Variants in PCDH20 observed in about 807,000 individuals in gnomAD.
PCDH20 encodes protocadherin-20.
Under a neutral mutation model 39.7 loss-of-function variants are expected in PCDH20, and 18 were observed. The observed-to-expected ratio is 0.45, with a 90% confidence interval of 0.31 to 0.67. The LOEUF (loss-of-function observed/expected upper bound fraction) is 0.67. Ranked by LOEUF, PCDH20 falls within the 30% of genes least tolerant of loss-of-function variation. The pLI is 0.05. For synonymous variants in PCDH20, 495 were observed against 455.4 expected (o/e 1.09, Z -1.11); for missense variants, 1,161 against 1,167.4 (o/e 0.99, Z 0.08).
At chr13:61,411,000 G>A (rs1430057104) in exon 2 of PCDH20, 3 of 138,022 alleles carry the variant, frequency 2.2e-5, no homozygotes, top group Non-Finnish European at 3.5e-5. Flanking sequence ...CCATGTCCAA[G>A]CTTTTTTTTT....
chr13:61,410,201 A>G (rs576685686), exon 2 of PCDH20: 1 of 152,248 alleles, frequency 6.6e-6, no homozygotes, highest in Admixed American at 6.5e-5. Context: ...AACAACAAAA[A>G]GATAAGTACA....
intron 1 of PCDH20, 63 bp downstream of exon 1, chr13:61,414,964 G>T: frequency 1.5e-6 from 2 of 1,298,128 alleles, no homozygotes; most frequent in East Asian, 3.0e-5. Context: ...CCATCCGAGT[G>T]GGAATTGCTT....
exon 2 of PCDH20, chr13:61,411,871 A>G: frequency 6.2e-7 from 1 of 1,614,172 alleles, no homozygotes; most frequent in East Asian, 2.2e-5. Flanking sequence ...CTGAGGAAAC[A>G]AAACAAGAGG....
exon 2 of PCDH20, chr13:61,410,841 A>G (rs17059792): frequency 0.013 from 1,954 of 155,284 alleles, 90 homozygotes; most frequent in East Asian, 0.096. Context: ...TTCATGTACA[A>G]CTGCCAAGTA....
rs372514363 is a variant in PCDH20, at chr13:61,411,673, G to A, written c.2426C>T (p.Ala809Val). 5.4e-5 allele frequency: 87 copies of A among 1,614,038 alleles called. No homozygotes were observed. The highest frequency in any genetic ancestry group is 6.4e-5 in the Non-Finnish European group (75 of 1,180,032). Residue 809 changes from alanine (A) to valine (V), a missense_variant, in exon 2 of 2, where the codon GCA (alanine) becomes GTA (valine). This residue lies in a region of PCDH20 where 754 missense variants were observed against 777.5 expected (regional missense o/e 0.97). Coordinates refer to ENST00000409204, the Ensembl canonical transcript of PCDH20. ...GAGCCCATAATCTGTCTGCAGCAAT[G>A]CCTCTTCCAAAGTAATGTTGCCAGT...
chr13:61,410,898 T>A (rs912934529), exon 2 of PCDH20: 1 of 170,324 alleles, frequency 5.9e-6, no homozygotes, highest in Non-Finnish European at 1.3e-5. Context: ...CCTCTTGTGG[T>A]GACAGGAATT....
exon 2 of PCDH20, chr13:61,412,732 A>C: frequency 6.2e-7 from 1 of 1,614,162 alleles, no homozygotes; most frequent in East Asian, 2.2e-5. Flanking sequence ...TGGATCTCTT[A>C]TGGTGAAAAA....
exon 2 of PCDH20, chr13:61,413,843 C>T (rs1300701763): frequency 6.2e-7 from 1 of 1,612,668 alleles, no homozygotes; most frequent in Non-Finnish European, 8.5e-7. Flanking sequence ...AGGTCCTCGG[C>T]CAGGCTGCCG....
chr13:61,410,074 A>G (rs1006558536), exon 2 of PCDH20: 2 of 152,134 alleles, frequency 1.3e-5, no homozygotes, highest in African/African-American at 4.8e-5. Flanking sequence ...TCATTGCAAG[A>G]GATTCAGTAA....
chr13:61,413,832 C>A (rs1871476675), exon 2 of PCDH20: 1 of 1,612,926 alleles, frequency 6.2e-7, no homozygotes, highest in Non-Finnish European at 8.5e-7. Context: ...GCAGCAGCCG[C>A]AGGTCCTCGG....
At chr13:61,411,021 A>G in exon 2 of PCDH20, 1 of 306,348 alleles carries the variant, frequency 3.3e-6, no homozygotes, top group Non-Finnish European at 5.9e-6. Flanking sequence ...TTTTTTAAAT[A>G]CAAGTCCTAT....
chr13:61,414,933 A>C, intron 1 of PCDH20, 94 bp downstream of exon 1: 2 of 1,262,606 alleles, frequency 1.6e-6, no homozygotes, highest in Non-Finnish European at 2.0e-6. Context: ...AAGTTTAGAT[A>C]AAGGTAGAAG....
exon 2 of PCDH20, chr13:61,411,448 A>G (rs2138017353): frequency 6.2e-7 from 1 of 1,614,110 alleles, no homozygotes. Flanking sequence ...CATACAAGAC[A>G]CAGATTCTAC....
chr13:61,413,075 C>T (rs1871438454), exon 2 of PCDH20: 1 of 1,614,188 alleles, frequency 6.2e-7, no homozygotes, highest in Non-Finnish European at 8.5e-7. Flanking sequence ...ACAGCCTGGA[C>T]AGCTGCAATT....
exon 2 of PCDH20, chr13:61,411,570 G>A: frequency 6.2e-7 from 1 of 1,614,098 alleles, no homozygotes; most frequent in Non-Finnish European, 8.5e-7. Flanking sequence ...CAGTGTCATT[G>A]ACAAATAGGT....
chr13:61,413,857 A>T, exon 2 of PCDH20: 2 of 1,613,170 alleles, frequency 1.2e-6, no homozygotes, highest in Non-Finnish European at 8.5e-7. Flanking sequence ...GCTGCCGATG[A>T]GCACCCCCGC....
chr13:61,412,106 C>G, exon 2 of PCDH20: 1 of 1,614,152 alleles, frequency 6.2e-7, no homozygotes. Context: ...GCGTCAGCAT[C>G]TGTTACACTA....
chr13:61,415,146 C>T, exon 1 of PCDH20: 2 of 1,458,264 alleles, frequency 1.4e-6, no homozygotes, highest in South Asian at 1.4e-5. Flanking sequence ...CGCGCATTCC[C>T]TCGGCCGCGC....
chr13:61,409,768 C>T (rs1045214302), exon 2 of PCDH20: 1 of 152,008 alleles, frequency 6.6e-6, no homozygotes, highest in African/African-American at 2.4e-5. Context: ...AGGTTACCCA[C>T]ATTTAACCCT....
Sources: allele counts gnomAD v4.1 joint callset, GRCh38; gene constraint gnomAD v4.1.1; regional missense constraint gnomAD v4.1.1; transcripts MANE v1.5; gene names NCBI Gene and HGNC (gene_info 2026-07-23, HGNC 2026-07-21).